NEDD9: variants seen among roughly 807,000 people sequenced by gnomAD.
NEDD9 encodes the protein neural precursor cell expressed, developmentally down-regulated 9, also known as enhancer of filamentation 1.
In NEDD9, 26 loss-of-function variants were observed where a neutral mutation model predicts 76.6. That is an observed-to-expected ratio of 0.34 (90% CI 0.25 to 0.47). The LOEUF (loss-of-function observed/expected upper bound fraction) is 0.47. NEDD9 is among the 20% of genes least tolerant of loss of function. The probability of loss-of-function intolerance (pLI) is 1.00; values close to 1 mark genes in which losing one functional copy is unlikely to be tolerated. For missense variants in NEDD9, 937 were observed against 1,058.5 expected (o/e 0.89, Z 1.59); for synonymous variants, 392 against 414.2 (o/e 0.95, Z 0.65).
chr6:11,196,073 G>A (rs946741490), intron 2 of NEDD9, among the ~76,000 whole-genome samples: 1 of 152,190 alleles, frequency 6.6e-6, no homozygotes, highest in African/African-American at 2.4e-5. Context: ...GGGAGGGCAA[G>A]GATCGCGGAT....
intron 3 of NEDD9, among the ~76,000 whole-genome samples, chr6:11,243,558 C>A (rs948172630): frequency 5.9e-5 from 9 of 152,192 alleles, no homozygotes; most frequent in Non-Finnish European, 1.5e-5. Flanking sequence ...CTCTTCTCTG[C>A]CTGCCAACTC....
At chr6:11,368,408 C>T (rs933443020) in intron 1 of NEDD9, among the ~76,000 whole-genome samples, 1 of 152,046 alleles carries the variant, frequency 6.6e-6, no homozygotes, top group Non-Finnish European at 1.5e-5. Flanking sequence ...TGAGTCACAC[C>T]GAAGTAACTA....
intron 3 of NEDD9, among the ~76,000 whole-genome samples, chr6:11,291,296 A>T (rs1173367673): frequency 2.1e-5 from 2 of 97,070 alleles, no homozygotes; most frequent in Admixed American, 1.2e-4. Context: ...TTTTTTTGAG[A>T]CGGAGTCTCG....
intron 2 of NEDD9, among the ~76,000 whole-genome samples, chr6:11,325,049 G>A (rs2113482154): frequency 6.6e-6 from 1 of 152,298 alleles, no homozygotes; most frequent in Admixed American, 6.5e-5. Flanking sequence ...AAGGTAGAGA[G>A]CATTGATAGA....
At chr6:11,248,752 T>C (rs1038075066) in intron 3 of NEDD9, among the ~76,000 whole-genome samples, 2 of 152,206 alleles carry the variant, frequency 1.3e-5, no homozygotes, top group Non-Finnish European at 2.9e-5. Context: ...AGTGCTACCC[T>C]GATCTCACTT....
chr6:11,293,685 T>C (rs1760826735), intron 3 of NEDD9, among the ~76,000 whole-genome samples: 2 of 152,096 alleles, frequency 1.3e-5, no homozygotes, highest in Non-Finnish European at 2.9e-5. Flanking sequence ...CAAGTATATA[T>C]TAAATACAGT....
chr6:11,273,694 T>C (rs1760360563), intron 3 of NEDD9, among the ~76,000 whole-genome samples: 1 of 152,196 alleles, frequency 6.6e-6, no homozygotes, highest in Non-Finnish European at 1.5e-5. Flanking sequence ...GCATTGTTCA[T>C]ACAATGGAAG....
At chr6:11,221,408 G>C (rs1010347808) in intron 1 of NEDD9, among the ~76,000 whole-genome samples, 1 of 150,762 alleles carries the variant, frequency 6.6e-6, no homozygotes, top group African/African-American at 2.4e-5. Flanking sequence ...AAAAGAAAAA[G>C]AAAAAAAGAA....
chr6:11,365,437 C>T (rs917660801), intron 1 of NEDD9, among the ~76,000 whole-genome samples: 1 of 151,986 alleles, frequency 6.6e-6, no homozygotes, highest in East Asian at 1.9e-4. Flanking sequence ...AGAAAGATAC[C>T]GTGATTTAAA....
chr6:11,278,012 G>C (rs1310428442), intron 3 of NEDD9, among the ~76,000 whole-genome samples: 2 of 152,160 alleles, frequency 1.3e-5, no homozygotes, highest in South Asian at 2.1e-4. Flanking sequence ...CGGGAGGGAG[G>C]CTCCTGCAAG....
rs1760471682 is a variant in NEDD9 at position 11,278,863 on chromosome 6, G to A, written c.12+27129C>T. 1.3e-5 allele frequency among the ~76,000 whole-genome samples: 2 copies of A among 152,022 alleles called. 1 individual carries two copies. ...AGAAGGCAGGGATTACAGATGGACA[G>A]GTCGGGAGATGTAAGTAAAGAGTAG... On this transcript the variant is annotated intron_variant, in intron 3 of 3. Coordinates refer to the NEDD9 transcript ENST00000397378.
At chr6:11,357,455 CA>C (rs1762598720) in intron 1 of NEDD9, among the ~76,000 whole-genome samples, 1 of 152,180 alleles carries the variant, frequency 6.6e-6, no homozygotes, top group Non-Finnish European at 1.5e-5. Flanking sequence ...AGGCTAGGCA[CA>C]CCCCAAATAA....
At position 11,290,678 on chromosome 6, in the gene NEDD9, T is replaced by C. The variant is rs539793588; in HGVS notation, c.12+15314A>G. On this transcript the variant is annotated intron_variant, in intron 3 of 3. Transcript: ENST00000397378. ...AGACCAAATGAGCCCTTTTATCCATTAATTGGAATTAATAAGGGTGGGCAA... is the reference window on the plus strand; with the variant it reads ...AGACCAAATGAGCCCTTTTATCCATCAATTGGAATTAATAAGGGTGGGCAA... Among the ~76,000 whole-genome samples, 5 of 152,290 alleles carry C rather than the reference T, an allele frequency of 3.3e-5. No individual in the cohort carries two copies. In the South Asian group the frequency reaches 1.0e-3, roughly 32 times the overall value.
At chr6:11,375,910 C>G (rs995314774) in intron 1 of NEDD9, among the ~76,000 whole-genome samples, 1 of 152,080 alleles carries the variant, frequency 6.6e-6, no homozygotes, top group African/African-American at 2.4e-5. Context: ...CTGCAAGCTC[C>G]GCCTCCCGGG....
intron 2 of NEDD9, among the ~76,000 whole-genome samples, chr6:11,329,449 TC>T (rs935934685): frequency 6.6e-6 from 1 of 152,202 alleles, no homozygotes; most frequent in African/African-American, 2.4e-5. Context: ...GTTATAGGCT[TC>T]CCTGCAGTTC....
chr6:11,191,836 G>A (rs1048562632), intron 4 of NEDD9, among the ~76,000 whole-genome samples: 6 of 152,026 alleles, frequency 3.9e-5, no homozygotes, highest in Admixed American at 6.5e-5. Flanking sequence ...GGGAGACACC[G>A]TCTCTACAAA....
In NEDD9 at chr6:11,183,479, C is replaced by T. The variant is rs1199929917; in HGVS notation, c.*1683G>A. 1 of 152,218 alleles carries T rather than the reference C, an allele frequency of 6.6e-6. No homozygotes were observed. Among genetic ancestry groups the T allele is most frequent in the Non-Finnish European group, 1.5e-5 (1 of 68,038 alleles). The allele number at this position is 152,218 out of a possible 1,614,324, so 9.4% of individuals were successfully genotyped here. ...TTATACAATGAAATCTACAAAGACA[C>T]ACTTTTTAACTTCAAGCGTTGTTGA... On this transcript the variant is annotated 3_prime_UTR_variant, in exon 7 of 7. Transcript: ENST00000379446.
chr6:11,303,082 G>T (rs1354260079), intron 3 of NEDD9, among the ~76,000 whole-genome samples: 2 of 152,300 alleles, frequency 1.3e-5, no homozygotes, highest in East Asian at 3.9e-4. Flanking sequence ...AATTGTCCCT[G>T]CTTGCAGATG....
chr6:11,203,724 C>A (rs1362996349), intron 2 of NEDD9, among the ~76,000 whole-genome samples: 2 of 152,124 alleles, frequency 1.3e-5, no homozygotes, highest in African/African-American at 4.8e-5. Context: ...TAATGGGGAA[C>A]TCTGGAAGTT....
Sources: allele counts gnomAD v4.1 joint callset (sites outside exome capture counted in the v4.1 genomes callset), GRCh38; gene constraint gnomAD v4.1.1; transcripts MANE v1.5; gene names NCBI Gene and HGNC (gene_info 2026-07-23, HGNC 2026-07-21).